The following IQCK variants were observed in gnomAD, a reference collection of about 807,000 sequenced individuals.
IQCK encodes IQ motif containing K.
A neutral mutation model predicts 28.1 loss-of-function variants in IQCK; 29 were observed. The ratio of observed to expected loss-of-function variants is 1.03; its 90% CI spans 0.77 to 1.41. The LOEUF (loss-of-function observed/expected upper bound fraction) is 1.41. Among genes scored for constraint, IQCK ranks in the 40% most tolerant of loss-of-function variants. IQCK has a pLI of 0.00. For missense variants in IQCK, 359 were observed against 314.7 expected (o/e 1.14, Z -1.07); for synonymous variants, 113 against 115.1 (o/e 0.98, Z 0.12).
intron 6 of IQCK, among the ~76,000 whole-genome samples, chr16:19,771,932 G>A (rs1431364812): frequency 2.6e-5 from 4 of 152,128 alleles, no homozygotes; most frequent in Admixed American, 2.0e-4. Context: ...GGGAATCAAC[G>A]AGGGATAAAT....
chr16:19,754,992 T>C (rs115365527), intron 4 of IQCK, among the ~76,000 whole-genome samples: 2,191 of 152,308 alleles, frequency 0.014, 51 homozygotes, highest in African/African-American at 0.049. Flanking sequence ...TAGAGAAGTA[T>C]TATTTTTCTC....
At chr16:19,845,502 G>C (rs1567201285) in intron 9 of IQCK, among the ~76,000 whole-genome samples, 1 of 152,306 alleles carries the variant, frequency 6.6e-6, no homozygotes, top group East Asian at 1.9e-4. Flanking sequence ...TGACTCACTC[G>C]GCTTTTGAAG....
At chr16:19,745,075 T>C (rs1324053060) in intron 4 of IQCK, among the ~76,000 whole-genome samples, 1 of 152,190 alleles carries the variant, frequency 6.6e-6, no homozygotes, top group Non-Finnish European at 1.5e-5. Context: ...AATATTCCAA[T>C]ATTTTGGGTA....
rs190217218 is a variant in IQCK at position 19,776,634 on chromosome 16, G to A, written c.606-12204G>A. Among the ~76,000 whole-genome samples the A allele has an allele frequency of 8.0e-3, 1,214 of 152,302 alleles. 9 individuals are homozygous for A. The highest frequency in any genetic ancestry group is 0.013 in the Non-Finnish European group (883 of 68,022). On this transcript the variant is annotated intron_variant, in intron 6 of 7. Transcript: ENST00000564186. Reference sequence around the variant, plus strand: ...TGAGGCAGCAGAATTGCCGGAACCCGAGAAGCAGAGGTTGCAGTGAGCCGA... The same window carrying A: ...TGAGGCAGCAGAATTGCCGGAACCCAAGAAGCAGAGGTTGCAGTGAGCCGA...
At chr16:19,773,669 C>T (rs548979869) in intron 6 of IQCK, among the ~76,000 whole-genome samples, 1 of 152,180 alleles carries the variant, frequency 6.6e-6, no homozygotes, top group Non-Finnish European at 1.5e-5. Context: ...GGCTGTGTTC[C>T]AATAACACTT....
intron 4 of IQCK, among the ~76,000 whole-genome samples, chr16:19,755,035 G>A (rs891066332): frequency 3.9e-5 from 6 of 152,134 alleles, no homozygotes; most frequent in Non-Finnish European, 4.4e-5. Flanking sequence ...AAAAAAAAAT[G>A]TGAATACCTG....
intron 1 of IQCK, among the ~76,000 whole-genome samples, chr16:19,725,979 G>C (rs566660764): frequency 6.7e-6 from 1 of 149,238 alleles, no homozygotes; most frequent in Non-Finnish European, 1.5e-5. Flanking sequence ...GCAGCGGCTC[G>C]ATCTCTGCTC....
intron 6 of IQCK, among the ~76,000 whole-genome samples, chr16:19,783,216 C>T (rs1267524093): frequency 1.3e-5 from 2 of 152,048 alleles, no homozygotes; most frequent in Non-Finnish European, 2.9e-5. Flanking sequence ...CCAGGCTGGT[C>T]TCGAACTCCT....
chr16:19,767,894 TAAAC>T (rs1321358412), intron 6 of IQCK, among the ~76,000 whole-genome samples: 1 of 150,874 alleles, frequency 6.6e-6, no homozygotes, highest in African/African-American at 2.4e-5. Context: ...AATAAATAAA[TAAAC>T]AAATAAATAA....
chr16:19,758,367 T>C (rs913640111), intron 4 of IQCK, among the ~76,000 whole-genome samples: 1 of 152,252 alleles, frequency 6.6e-6, no homozygotes, highest in African/African-American at 2.4e-5. Context: ...ATTTCTTCCA[T>C]TTTATTTCTT....
At chr16:19,852,575 A>G (rs1259681704) in intron 9 of IQCK, among the ~76,000 whole-genome samples, 2 of 151,010 alleles carry the variant, frequency 1.3e-5, no homozygotes, top group Admixed American at 1.3e-4. Flanking sequence ...TATAAATAGA[A>G]TCACACTATA....
At chr16:19,741,816 G>T (rs547876959) in intron 4 of IQCK, among the ~76,000 whole-genome samples, 1 of 152,158 alleles carries the variant, frequency 6.6e-6, no homozygotes, top group South Asian at 2.1e-4. Flanking sequence ...GTGAAATCCC[G>T]TCTCTACTAA....
intron 7 of IQCK, among the ~76,000 whole-genome samples, chr16:19,808,090 G>A (rs1246279139): frequency 6.6e-6 from 1 of 152,100 alleles, no homozygotes; most frequent in Non-Finnish European, 1.5e-5. Flanking sequence ...TGGTTTCCAT[G>A]GTCTGTTTCT....
chr16:19,839,363 G>T (rs995901807), intron 9 of IQCK, among the ~76,000 whole-genome samples: 1 of 151,848 alleles, frequency 6.6e-6, no homozygotes. Flanking sequence ...GTTTTACTAT[G>T]TTGGCCAGGC....
intron 4 of IQCK, among the ~76,000 whole-genome samples, chr16:19,753,261 A>C (rs908986999): frequency 2.0e-5 from 3 of 151,940 alleles, no homozygotes; most frequent in African/African-American, 7.2e-5. Context: ...AAAAAAAAAA[A>C]ATTTTTGAAA....
At chr16:19,747,947 T>A (rs2054934607) in intron 4 of IQCK, among the ~76,000 whole-genome samples, 1 of 152,008 alleles carries the variant, frequency 6.6e-6, no homozygotes, top group Non-Finnish European at 1.5e-5. Flanking sequence ...GCGTTAGAAA[T>A]AATATGGACC....
intron 3 of IQCK, among the ~76,000 whole-genome samples, chr16:19,734,747 C>T (rs1255170135): frequency 4.7e-5 from 7 of 149,396 alleles, no homozygotes; most frequent in Non-Finnish European, 1.0e-4. Flanking sequence ...TGCCACTGCA[C>T]TCCAGCCTGG....
rs1567561721 is a variant in IQCK at position 19,799,635 on chromosome 16, CACA to C, written c.690+10714_690+10716del. Among the ~76,000 whole-genome samples the C allele has an allele frequency of 1.4e-4, 20 of 139,802 alleles. 3 individuals carry two copies. The highest frequency in any genetic ancestry group is 6.1e-4 in the African/African-American group (19 of 31,000). 91.7% of individuals were successfully genotyped at this position (139,802 alleles called of 152,430 possible). On this transcript the variant is annotated intron_variant, in intron 7 of 7. Coordinates refer to ENST00000564186, the Ensembl canonical transcript of IQCK. Reference sequence around the variant, plus strand: ...ACACACACACACACACACACACACACACACACCCAGTGAATACATTGAGTCATA... The same window carrying C: ...ACACACACACACACACACACACACACCACCCAGTGAATACATTGAGTCATA...
intron 7 of IQCK, among the ~76,000 whole-genome samples, chr16:19,811,084 G>C (rs893306266): frequency 1.3e-5 from 2 of 152,164 alleles, no homozygotes; most frequent in African/African-American, 4.8e-5. Context: ...AGGAGCTTGA[G>C]ACCAGCCTGG....
Sources: gnomAD v4.1 joint callset for allele counts (sites outside exome capture counted in the v4.1 genomes callset) on GRCh38, gnomAD v4.1.1 for gene constraint, MANE v1.5 for transcripts, NCBI Gene and HGNC (gene_info 2026-07-23, HGNC 2026-07-21) for gene names.